The following MACROD2 variants were observed in gnomAD, a reference collection of about 807,000 sequenced individuals.
MACROD2 encodes the protein ADP-ribose glycohydrolase MACROD2.
In MACROD2, 36 loss-of-function variants were observed where a neutral mutation model predicts 70.4. The observed-to-expected ratio is 0.51, with a 90% CI of 0.39 to 0.68. MACROD2 has a LOEUF of 0.68. Ranked by LOEUF, MACROD2 falls within the 30% of genes least tolerant of loss-of-function variation. The probability of loss-of-function intolerance (pLI) is 0.00; values close to 1 mark genes in which losing one functional copy is unlikely to be tolerated. For missense variants in MACROD2, 496 were observed against 538.4 expected, an observed-to-expected ratio of 0.92 and a Z score of 0.78; for synonymous variants, 172 against 178.8, an observed-to-expected ratio of 0.96 and a Z score of 0.30.
intron 8 of MACROD2, among the ~76,000 whole-genome samples, chr20:15,790,704 C>A (rs530354271): frequency 1.2e-3 from 187 of 151,902 alleles, no homozygotes; most frequent in African/African-American, 3.6e-3. Context: ...TAATCTAAAC[C>A]ATGGGGCATT....
intron 5 of MACROD2, among the ~76,000 whole-genome samples, chr20:14,829,320 CG>C (rs2072937825): frequency 6.6e-6 from 1 of 151,622 alleles, no homozygotes; most frequent in Non-Finnish European, 1.5e-5. Context: ...TTAGCAGAGA[CG>C]GGGTTTCACC....
chr20:15,315,296 C>T (rs992559217), intron 6 of MACROD2, among the ~76,000 whole-genome samples: 2 of 151,918 alleles, frequency 1.3e-5, no homozygotes, highest in South Asian at 2.1e-4. Context: ...AAATAATGGC[C>T]AAAGCTCTCC....
chr20:14,065,760 C>T (rs576721797), intron 2 of MACROD2, among the ~76,000 whole-genome samples: 5 of 152,326 alleles, frequency 3.3e-5, no homozygotes, highest in East Asian at 1.9e-4. Context: ...AGATTCAAAT[C>T]GGCATAATGT....
chr20:14,505,288 A>C (rs1312233385), intron 4 of MACROD2, among the ~76,000 whole-genome samples: 1 of 152,182 alleles, frequency 6.6e-6, no homozygotes, highest in African/African-American at 2.4e-5. Context: ...GCAGTACTAA[A>C]TTTCAACTCC....
chr20:15,904,620 C>T (rs563660869), intron 10 of MACROD2, among the ~76,000 whole-genome samples: 6 of 151,958 alleles, frequency 3.9e-5, no homozygotes, highest in South Asian at 4.2e-4. Context: ...AGGCCAGGCG[C>T]GGTGGCTCAC....
chr20:15,424,700 A>T (rs1383948183), intron 6 of MACROD2, among the ~76,000 whole-genome samples: 1 of 134,278 alleles, frequency 7.4e-6, no homozygotes, highest in East Asian at 2.0e-4. Flanking sequence ...AGCCTGGGCA[A>T]CAGAGTGAGA....
chr20:14,832,972 A>AG (rs1387979356), intron 5 of MACROD2, among the ~76,000 whole-genome samples: 3 of 152,122 alleles, frequency 2.0e-5, no homozygotes, highest in Non-Finnish European at 4.4e-5. Context: ...CTATCTAAGT[A>AG]GCACTGTTCA....
At position 15,251,062 on chromosome 20, in the gene MACROD2, G is replaced by T. The variant is rs186035831; in HGVS notation, c.540+21001G>T. Among the ~76,000 whole-genome samples, 24 of 152,248 alleles carry T rather than the reference G, an allele frequency of 1.6e-4. 1 individual carries two copies. In the East Asian group the frequency reaches 4.3e-3, roughly 27 times the overall value. ...TTGTCTACATTGTGAGAACAGAAAG[G>T]ATTTAGGCAAGGGCCAGCAGGGAAT... On this transcript the variant is annotated intron_variant, in intron 6 of 17. Transcript: ENST00000684519.
chr20:15,620,698 G>A (rs562921882), intron 8 of MACROD2, among the ~76,000 whole-genome samples: 35 of 152,260 alleles, frequency 2.3e-4, no homozygotes, highest in African/African-American at 7.2e-4. Flanking sequence ...AGACTCCAGA[G>A]AGAACCCACC....
intron 5 of MACROD2, among the ~76,000 whole-genome samples, chr20:14,945,446 G>A (rs934376850): frequency 2.6e-5 from 4 of 152,172 alleles, no homozygotes; most frequent in African/African-American, 4.8e-5. Flanking sequence ...AGACAGGGGC[G>A]TCAAGGTTAC....
intron 3 of MACROD2, among the ~76,000 whole-genome samples, chr20:14,191,581 G>A (rs934378968): frequency 3.3e-5 from 5 of 152,196 alleles, no homozygotes; most frequent in Admixed American, 6.5e-5. Context: ...ATAGAGAAGG[G>A]TAGAGGAGAG....
At chr20:15,668,282 T>C (rs1270852983) in intron 8 of MACROD2, among the ~76,000 whole-genome samples, 1 of 134,076 alleles carries the variant, frequency 7.5e-6, no homozygotes, top group Non-Finnish European at 1.6e-5. Flanking sequence ...AATAAAAAAA[T>C]GCTGGGCACG....
Position 14,409,669 on chromosome 20 carries a change from G to A in MACROD2, c.272-83810G>A, listed in dbSNP as rs73092492. Among the ~76,000 whole-genome samples, 884 of 152,200 alleles carry A rather than the reference G, an allele frequency of 5.8e-3. 4 individuals carry two copies. The highest frequency in any genetic ancestry group is 8.6e-3 in the Non-Finnish European group (584 of 68,012). On this transcript the variant is annotated intron_variant, in intron 3 of 17. Coordinates refer to ENST00000684519, the MANE Select transcript of MACROD2 (RefSeq NM_001351661.2). ...CATAGGCAGAGTTTATATTTCATCT[G>A]GTTGGGCCAAATCTCCACCTTATCC...
At chr20:15,250,375 C>T (rs2077144677) in intron 6 of MACROD2, among the ~76,000 whole-genome samples, 2 of 152,158 alleles carry the variant, frequency 1.3e-5, no homozygotes, top group African/African-American at 4.8e-5. Flanking sequence ...CACATTGTTC[C>T]ACGATTTCCA....
intron 4 of MACROD2, among the ~76,000 whole-genome samples, chr20:14,675,603 C>A (rs2123571335): frequency 6.6e-6 from 1 of 152,198 alleles, no homozygotes. Context: ...CAAAAACATA[C>A]CAAATTGTAA....
intron 2 of MACROD2, among the ~76,000 whole-genome samples, chr20:14,051,596 T>G (rs2053567865): frequency 2.0e-5 from 3 of 152,212 alleles, no homozygotes; most frequent in Non-Finnish European, 4.4e-5. Flanking sequence ...AGGATATCTT[T>G]AAATTCTAGG....
At chr20:15,113,131 C>T (rs2075967806) in intron 5 of MACROD2, among the ~76,000 whole-genome samples, 1 of 152,090 alleles carries the variant, frequency 6.6e-6, no homozygotes, top group Non-Finnish European at 1.5e-5. Context: ...TGAGTATATG[C>T]CCAGAAGTGG....
At chr20:14,965,066 T>G (rs1403950078) in intron 5 of MACROD2, among the ~76,000 whole-genome samples, 1 of 152,176 alleles carries the variant, frequency 6.6e-6, no homozygotes, top group African/African-American at 2.4e-5. Context: ...GGTTAAGCTG[T>G]TTTTGATGAA....
chr20:15,898,125 C>T (rs2065001954), intron 10 of MACROD2, among the ~76,000 whole-genome samples: 1 of 152,030 alleles, frequency 6.6e-6, no homozygotes, highest in African/African-American at 2.4e-5. Flanking sequence ...TTTCTCACGA[C>T]CAATGCTAAA....
Sources: allele counts gnomAD v4.1 joint callset (sites outside exome capture counted in the v4.1 genomes callset), GRCh38; gene constraint gnomAD v4.1.1; transcripts MANE v1.5; gene names NCBI Gene and HGNC (gene_info 2026-07-23, HGNC 2026-07-21).